The following LGALS8 variants were observed in gnomAD, a reference collection of about 807,000 sequenced individuals.
LGALS8 encodes galectin 8, also known as galectin-8.
LGALS8 carries 30 observed loss-of-function variants against 35.9 expected under a neutral mutation model. That is an observed-to-expected ratio of 0.83 (90% CI 0.62 to 1.13). LGALS8 has a LOEUF of 1.13. Among genes scored for constraint, LGALS8 ranks in the 50% most tolerant of loss-of-function variants. The pLI is 0.00. For synonymous variants in LGALS8, 138 were observed against 136.1 expected (o/e 1.01, Z -0.10); for missense variants, 366 against 388.7 (o/e 0.94, Z 0.49).
chr1:236,528,510 C>T (rs74385547), intron 2 of LGALS8, among the ~76,000 whole-genome samples: 3 of 149,828 alleles, frequency 2.0e-5, no homozygotes, highest in African/African-American at 7.4e-5. Flanking sequence ...ATAAACACAC[C>T]GCCACTTTTT....
intron 9 of LGALS8, among the ~76,000 whole-genome samples, chr1:236,547,483 G>A (rs1427612557): frequency 6.6e-6 from 1 of 152,110 alleles, no homozygotes; most frequent in Non-Finnish European, 1.5e-5. Flanking sequence ...AAAAACCCTA[G>A]CAAGTGCCTT....
chr1:236,547,977 G>A (rs752192203), intron 9 of LGALS8, 35 bp from the exon 10 acceptor site: 1 of 1,581,058 alleles, frequency 6.3e-7, no homozygotes, highest in South Asian at 1.1e-5. Flanking sequence ...TTAAACTAAG[G>A]GGAACCACTA....
intron 9 of LGALS8, chr1:236,545,327 A>C (rs555583758): frequency 6.4e-6 from 1 of 155,138 alleles, no homozygotes; most frequent in East Asian, 1.9e-4. Flanking sequence ...CTTTCTCCTA[A>C]GGAGTTAGTC....
At chr1:236,542,934 A>T in intron 7 of LGALS8, 147 bp downstream of exon 7, 1 of 1,614,112 alleles carries the variant, frequency 6.2e-7, no homozygotes, top group South Asian at 1.1e-5. Context: ...AGAGGAGGAG[A>T]CATTTCTAAA....
At chr1:236,540,522 T>C in intron 4 of LGALS8, 42 bp from the exon 5 acceptor site, 4 of 1,439,302 alleles carry the variant, frequency 2.8e-6, no homozygotes, top group Non-Finnish European at 3.7e-6. Context: ...TAACTGTTTT[T>C]TTTTGGTGGC....
chr1:236,547,876 A>G, intron 9 of LGALS8, 136 bp from the exon 10 acceptor site: 1 of 761,762 alleles, frequency 1.3e-6, no homozygotes. Flanking sequence ...CTTGGAAGTC[A>G]GAAGGAAGTC....
At position 236,548,148 on chromosome 1, in the gene LGALS8, T is replaced by C. The variant is rs373435117; in HGVS notation, c.941T>C (p.Val314Ala). The change falls in exon 10 of 10, where the codon GTA (valine) becomes GCA (alanine). Residue 314 changes from valine to alanine, a missense_variant. Val to Ala is a moderately conservative substitution (Grantham distance 64). Transcript: ENST00000366584. ...EINGDIHLLE[V>A]RSW Reference sequence around the variant, plus strand: ...AATGGAGACATCCACTTACTGGAAGTAAGGAGCTGGTAGCCTACCTACACA... The same window carrying C: ...AATGGAGACATCCACTTACTGGAAGCAAGGAGCTGGTAGCCTACCTACACA... The C allele has an allele frequency of 4.5e-5, 72 of 1,613,328 alleles. No homozygotes were observed. Among genetic ancestry groups the C allele is most frequent in the Non-Finnish European group, 6.0e-5 (71 of 1,179,630 alleles).
At chr1:236,532,718 C>G (rs542804787) in intron 2 of LGALS8, among the ~76,000 whole-genome samples, 74 of 152,278 alleles carry the variant, frequency 4.9e-4, no homozygotes, top group African/African-American at 1.8e-3. Context: ...GTGGCAGGCA[C>G]CTGTAATCCC....
At position 236,537,523 on chromosome 1, in the gene LGALS8, T is replaced by A. The variant is rs1041934; in HGVS notation, c.72T>A (p.Pro24=). 1 of 1,601,594 alleles carries A rather than the reference T, an allele frequency of 6.2e-7. No homozygotes were observed. The highest frequency in any genetic ancestry group is 8.6e-7 in the Non-Finnish European group (1 of 1,168,630). Residue 24 remains proline, a synonymous_variant, in exon 3 of 10, where the codon CCT becomes CCA. Coordinates refer to ENST00000366584, the MANE Select transcript of LGALS8 (RefSeq NM_201544.4). ...NPVIPFVGTI[P]DQLDPGTLIV... ...TAATCCCGTTTGTTGGCACCATTCC[T>A]GATCAGCTGGATCCTGGAACTTTGA...
intron 1 of LGALS8, chr1:236,524,554 T>TTA (rs1439871803): frequency 7.6e-6 from 3 of 395,846 alleles, no homozygotes; most frequent in African/African-American, 6.2e-5. Context: ...GACTGCAGTG[T>TTA]TAAACATTGC....
chr1:236,547,198 G>A (rs1662418787), intron 9 of LGALS8, among the ~76,000 whole-genome samples: 1 of 152,218 alleles, frequency 6.6e-6, no homozygotes, highest in African/African-American at 2.4e-5. Flanking sequence ...CCTTCTCAGA[G>A]TGGGTGGAAA....
chr1:236,538,918 T>A lies in LGALS8; in HGVS notation c.174T>A (p.Pro58=). ...VDLQNGSSMK[P]RADVAFHFNP... is the part of the protein sequence containing the mutation. The stretch of plus-strand genomic sequence containing the variant: ...TGCAGAATGGCAGCAGCATGAAACC[T>A]CGAGCCGATGTGGCCTTTCATTTCA... The change falls in exon 4 of 10, where the codon CCT becomes CCA. Residue 58 remains proline (P), a synonymous_variant. Coordinates refer to ENST00000366584, the MANE Select transcript of LGALS8 (RefSeq NM_201544.4). The A allele has an allele frequency of 6.2e-7, 1 of 1,613,402 alleles. No homozygotes were observed. The highest frequency in any genetic ancestry group is 2.2e-5 in the East Asian group (1 of 44,876).
In LGALS8 at chr1:236,545,843, C is replaced by G. The variant is rs115664589; in HGVS notation, c.804+928C>G. ...TGTGGAAGGCTGAAGGTTGGCTTTT[C>G]TAGATTTAGGGCATGATTTGAACAA... On this transcript the variant is annotated intron_variant, in intron 9 of 9. Coordinates refer to ENST00000366584, the MANE Select transcript of LGALS8 (RefSeq NM_201544.4). Among the ~76,000 whole-genome samples, 1,182 of 152,136 alleles carry G rather than the reference C, an allele frequency of 7.8e-3. 18 individuals are homozygous for G. Among genetic ancestry groups the G allele is most frequent in the African/African-American group, 0.027 (1,123 of 41,474 alleles).
At chr1:236,534,600 T>C in intron 2 of LGALS8, among the ~76,000 whole-genome samples, 1 of 145,436 alleles carries the variant, frequency 6.9e-6, no homozygotes, top group East Asian at 2.0e-4. Flanking sequence ...CTGTGTCTCA[T>C]AGTTAAAAAA....
chr1:236,544,919 AG>A lies in LGALS8; in HGVS notation c.804+6del. On this transcript the variant is annotated splice_donor_5th_base_variant and intron_variant, in intron 9 of 9. Coordinates refer to ENST00000366584, the MANE Select transcript of LGALS8 (RefSeq NM_201544.4). ...TAGTCCTGGGATGTACTTTGAGGTG[AG>A]GTTACAGTTTTTGAAAATGGGACAG... 6.3e-7 allele frequency: 1 copy of A among 1,598,614 alleles called. No individual in the cohort carries two copies. Among genetic ancestry groups the A allele is most frequent in the Non-Finnish European group, 8.5e-7 (1 of 1,171,624 alleles).
At position 236,537,553 on chromosome 1, in the gene LGALS8, G is replaced by A. The variant is rs1661621082; in HGVS notation, c.102G>A (p.Val34=). Residue 34 remains valine, a synonymous_variant, in exon 3 of 10, where the codon GTG becomes GTA. Transcript: ENST00000366584. ...PDQLDPGTLI[V]IRGHVPSDAD... is the part of the protein sequence containing the mutation. ...AGCTGGATCCTGGAACTTTGATTGT[G>A]ATACGTGGGCATGTTCCTAGTGACG... 6.2e-7 allele frequency: 1 copy of A among 1,607,218 alleles called. No homozygotes were observed. The highest frequency in any genetic ancestry group is 2.2e-5 in the East Asian group (1 of 44,858).
intron 4 of LGALS8, 106 bp downstream of exon 4, chr1:236,539,195 ATAGTTT>A: frequency 1.1e-6 from 1 of 923,874 alleles, no homozygotes; most frequent in Non-Finnish European, 1.7e-6. Flanking sequence ...CACCTGAGAT[ATAGTTT>A]GTTTGGCTTT....
intron 4 of LGALS8, chr1:236,540,306 G>A (rs756688234): frequency 2.0e-4 from 74 of 369,802 alleles, no homozygotes; most frequent in South Asian, 7.9e-4. Context: ...ACAAGCACAC[G>A]CACATATACT....
At position 236,551,924 on chromosome 1, in the gene LGALS8, A is replaced by C; in HGVS notation, c.*3763A>C. Reference sequence around the variant, plus strand: ...ACGTTATATCCAAATCTGCATTATCATTGGGCACATTTTCACAGAATTTTA... The same window carrying C: ...ACGTTATATCCAAATCTGCATTATCCTTGGGCACATTTTCACAGAATTTTA... On this transcript the variant is annotated 3_prime_UTR_variant, in exon 10 of 10. Coordinates refer to ENST00000366584, the MANE Select transcript of LGALS8 (RefSeq NM_201544.4). 1 of 960,986 alleles carries C rather than the reference A, an allele frequency of 1.0e-6. No individual in the cohort carries two copies. Among genetic ancestry groups the C allele is most frequent in the Admixed American group, 1.8e-5 (1 of 56,052 alleles). The allele number at this position is 960,986 out of a possible 1,614,324, so 59.5% of individuals were successfully genotyped here.
Sources: gnomAD v4.1 joint callset for allele counts (sites outside exome capture counted in the v4.1 genomes callset) on GRCh38, gnomAD v4.1.1 for gene constraint, MANE v1.5 for transcripts, NCBI Gene and HGNC (gene_info 2026-07-23, HGNC 2026-07-21) for gene names.